The following BCOR variants were observed in gnomAD, a reference collection of about 807,000 sequenced individuals.
The protein encoded by BCOR is BCL6 corepressor, also known as BCL-6 corepressor.
In BCOR, 10 loss-of-function variants were observed where a neutral mutation model predicts 86.7. That is an observed-to-expected ratio of 0.12 (90% confidence interval 0.07 to 0.20). The LOEUF (loss-of-function observed/expected upper bound fraction) is 0.20, where lower values mean the gene tolerates loss of function less well. BCOR is among the 10% of genes least tolerant of loss of function. The pLI, the probability that BCOR is intolerant of heterozygous loss-of-function variation, is 1.00. For synonymous variants in BCOR, 611 were observed against 609.0 expected (o/e 1.00, Z -0.05); for missense variants, 1,259 against 1,452.1 (o/e 0.87, Z 2.16).
chrX:40,139,481 A>ATG lies in BCOR; in HGVS notation c.-41+37525_-41+37526insCA. Among the ~76,000 whole-genome samples, 2 of 13,588 alleles carry ATG rather than the reference A, an allele frequency of 1.5e-4. 1 individual carries two copies. Among genetic ancestry groups the ATG allele is most frequent in the South Asian group, 7.9e-3 (2 of 254 alleles). 11.8% of individuals were successfully genotyped at this position (13,588 alleles called of 115,157 possible). On this transcript the variant is annotated intron_variant, in intron 1 of 14. Coordinates refer to the BCOR transcript ENST00000342274. Reference sequence around the variant, plus strand: ...CATATATATATATATATATATATATATATATATATATATATATTTTTTTTT... The same window carrying ATG: ...CATATATATATATATATATATATATATGTATATATATATATATATTTTTTTTT...
chrX:40,131,404 C>T (rs1262056127), intron 1 of BCOR, among the ~76,000 whole-genome samples: 2 of 112,487 alleles, frequency 1.8e-5, no homozygotes, highest in African/African-American at 6.5e-5. Context: ...CGCCTGCAAT[C>T]CCAGCACTTT....
chrX:40,131,400 C>T (rs7883247), intron 1 of BCOR, among the ~76,000 whole-genome samples: 12,470 of 112,008 alleles, frequency 0.11, 547 homozygotes, highest in Middle Eastern at 0.15. Context: ...CTCACGCCTG[C>T]AATCCCAGCA....
chrX:40,094,105 C>A, intron 1 of BCOR, among the ~76,000 whole-genome samples: 1 of 111,460 alleles, frequency 9.0e-6, no homozygotes, highest in Non-Finnish European at 1.9e-5. Flanking sequence ...TCTTTGCCCC[C>A]CTTTCCCTAT....
chrX:40,059,574 CAG>C (rs1934766001), intron 10 of BCOR, among the ~76,000 whole-genome samples: 1 of 112,592 alleles, frequency 8.9e-6, no homozygotes, highest in Non-Finnish European at 1.9e-5. Flanking sequence ...CTGTCACCAA[CAG>C]AGAGAATGAA....
In BCOR at chrX:40,073,650, G is replaced by A. The variant is rs1935607481; in HGVS notation, c.1696C>T (p.Arg566Cys). The change falls in exon 4 of 15, where the codon CGC (arginine) becomes TGC (cysteine). Residue 566 changes from arginine (R) to cysteine (C), a missense_variant. Physicochemically the swap from Arg to Cys is radical, Grantham distance 180. Around this residue, in one of 7 missense-constraint regions of BCOR, gnomAD observed 534 missense variants for 594.8 expected, o/e 0.90. Transcript: ENST00000378444. ...NVSGSVSSAG[R>C]PASASPAPNA... ...GGGGCGGGTGATGCGGAGGCTGGGC[G>A]GCCTGCACTCGACACTGACCCTGAA... The A allele has an allele frequency of 4.9e-6, 6 of 1,212,431 alleles. No homozygotes were observed. Among genetic ancestry groups the A allele is most frequent in the African/African-American group, 1.7e-5 (1 of 57,991 alleles).
intron 1 of BCOR, among the ~76,000 whole-genome samples, chrX:40,152,210 G>A (rs986742146): frequency 9.0e-6 from 1 of 111,509 alleles, no homozygotes; most frequent in Non-Finnish European, 1.9e-5. Flanking sequence ...CCTGCAAGGG[G>A]ACAGGCGGCG....
intron 1 of BCOR, among the ~76,000 whole-genome samples, chrX:40,112,676 A>G (rs1421944943): frequency 9.0e-6 from 1 of 111,697 alleles, no homozygotes; most frequent in Non-Finnish European, 1.9e-5. Context: ...TCTGCCTCCT[A>G]AAGTGCTGGG....
At chrX:40,154,177 C>G (rs1247420028) in intron 1 of BCOR, among the ~76,000 whole-genome samples, 1 of 112,698 alleles carries the variant, frequency 8.9e-6, no homozygotes, top group Non-Finnish European at 1.9e-5. Flanking sequence ...TCTGGGTTTC[C>G]GTGTGGCTGC....
intron 9 of BCOR, 110 bp downstream of exon 9, chrX:40,062,636 T>C: frequency 1.2e-6 from 1 of 807,784 alleles, no homozygotes; most frequent in Non-Finnish European, 1.8e-6. Context: ...TGACGTGTGG[T>C]GTGGGGGAGG....
At chrX:40,157,164 A>G (rs1486427626) in intron 1 of BCOR, among the ~76,000 whole-genome samples, 1 of 112,666 alleles carries the variant, frequency 8.9e-6, no homozygotes, top group African/African-American at 3.2e-5. Flanking sequence ...TTAGTGAAGC[A>G]CTCTGAAAAG....
chrX:40,111,423 T>C (rs1192577840), intron 1 of BCOR, among the ~76,000 whole-genome samples: 1 of 112,393 alleles, frequency 8.9e-6, no homozygotes, highest in Non-Finnish European at 1.9e-5. Flanking sequence ...ATGTTCACTC[T>C]AAAAATCAGC....
intron 1 of BCOR, among the ~76,000 whole-genome samples, chrX:40,165,635 T>C (rs918918015): frequency 8.9e-5 from 10 of 112,424 alleles, no homozygotes; most frequent in Non-Finnish European, 3.8e-5. Flanking sequence ...TAGAAACAAT[T>C]CCTTCTTCTG....
intron 1 of BCOR, among the ~76,000 whole-genome samples, chrX:40,168,345 CTTTGT>C (rs1332328223): frequency 8.9e-6 from 1 of 112,956 alleles, no homozygotes; most frequent in Non-Finnish European, 1.9e-5. Context: ...GACAGCCGGG[CTTTGT>C]TTTGTCTCTT....
intron 1 of BCOR, among the ~76,000 whole-genome samples, chrX:40,109,687 G>A (rs1937264560): frequency 8.9e-6 from 1 of 112,627 alleles, no homozygotes; most frequent in African/African-American, 3.2e-5. Flanking sequence ...GTTTTGCGGA[G>A]CTGCCCGAGG....
chrX:40,090,580 T>A (rs1404238876), intron 1 of BCOR, among the ~76,000 whole-genome samples: 1 of 109,531 alleles, frequency 9.1e-6, no homozygotes, highest in Admixed American at 9.5e-5. Flanking sequence ...CCCCGCCTAC[T>A]GTGGCCACCT....
chrX:40,169,743 A>G (rs1299639529), intron 1 of BCOR, among the ~76,000 whole-genome samples: 1 of 111,485 alleles, frequency 9.0e-6, no homozygotes, highest in Non-Finnish European at 1.9e-5. Context: ...GGCTTTCTGC[A>G]CCGCTGCTAA....
intron 1 of BCOR, among the ~76,000 whole-genome samples, chrX:40,154,327 C>A (rs1938239392): frequency 9.2e-6 from 1 of 108,547 alleles, no homozygotes; most frequent in Non-Finnish European, 1.9e-5. Flanking sequence ...CCCCATCGAT[C>A]GCGGAGTGTA....
chrX:40,152,927 C>A (rs1394970386), intron 1 of BCOR, among the ~76,000 whole-genome samples: 1 of 112,868 alleles, frequency 8.9e-6, no homozygotes, highest in Non-Finnish European at 1.9e-5. Context: ...GGGAGACTTC[C>A]GCGGGAGGCC....
At chrX:40,080,946 TACGCACACACGTGCACGC>T (rs1449707982) in intron 1 of BCOR, among the ~76,000 whole-genome samples, 1 of 94,975 alleles carries the variant, frequency 1.1e-5, no homozygotes, top group African/African-American at 3.9e-5. Flanking sequence ...GCTGTGGACT[TACGCACACACGTGCACGC>T]ACGCACACGC....
Sources: allele counts gnomAD v4.1 joint callset (sites outside exome capture counted in the v4.1 genomes callset), GRCh38; gene constraint gnomAD v4.1.1; regional missense constraint gnomAD v4.1.1; transcripts MANE v1.5; gene names NCBI Gene and HGNC (gene_info 2026-07-23, HGNC 2026-07-21).